Variants in IL1RAPL1 observed in about 807,000 individuals in gnomAD.
IL1RAPL1 encodes the protein interleukin-1 receptor accessory protein-like 1.
IL1RAPL1 carries 3 observed loss-of-function variants against 48.4 expected under a neutral mutation model. The ratio of observed to expected loss-of-function variants is 0.06; its 90% CI spans 0.03 to 0.16. IL1RAPL1 has a LOEUF of 0.16. IL1RAPL1 is among the 10% of genes least tolerant of loss of function. IL1RAPL1 has a pLI of 1.00. For synonymous variants in IL1RAPL1, 185 were observed against 187.7 expected (o/e 0.99, Z 0.12); for missense variants, 349 against 530.6 (o/e 0.66, Z 3.36).
intron 3 of IL1RAPL1, among the ~76,000 whole-genome samples, chrX:29,306,612 C>G (rs1264258285): frequency 1.9e-5 from 2 of 105,716 alleles, no homozygotes; most frequent in African/African-American, 6.9e-5. Flanking sequence ...CCTATAATCC[C>G]AGCATTTTGG....
intron 8 of IL1RAPL1, among the ~76,000 whole-genome samples, chrX:29,929,332 T>C (rs1001146384): frequency 3.6e-5 from 4 of 111,761 alleles, no homozygotes. Context: ...CTAGAGCCAA[T>C]CTCTTTGTGT....
chrX:29,413,887 A>G (rs1934180405), intron 5 of IL1RAPL1, among the ~76,000 whole-genome samples: 1 of 110,221 alleles, frequency 9.1e-6, no homozygotes, highest in African/African-American at 3.3e-5. Flanking sequence ...GATTATATAT[A>G]TTTATATGTA....
chrX:28,823,177 A>G (rs1936956219), intron 2 of IL1RAPL1, among the ~76,000 whole-genome samples: 1 of 111,192 alleles, frequency 9.0e-6, no homozygotes, highest in African/African-American at 3.3e-5. Context: ...TAGCTTCAAG[A>G]TGTCTTTGGC....
intron 2 of IL1RAPL1, among the ~76,000 whole-genome samples, chrX:29,016,931 A>G (rs1198674134): frequency 9.0e-6 from 1 of 111,430 alleles, no homozygotes; most frequent in Non-Finnish European, 1.9e-5. Flanking sequence ...TCCTAGAGTA[A>G]TATGTTCATT....
At chrX:28,620,498 T>TGAG (rs1934273245) in intron 1 of IL1RAPL1, among the ~76,000 whole-genome samples, 1 of 111,171 alleles carries the variant, frequency 9.0e-6, no homozygotes, top group Non-Finnish European at 1.9e-5. Flanking sequence ...TGGGCGATGG[T>TGAG]GAGGAAGAAT....
At position 29,067,238 on chromosome X, in the gene IL1RAPL1, A is replaced by G. The variant is rs187172182; in HGVS notation, c.83-215700A>G. On this transcript the variant is annotated intron_variant, in intron 2 of 10. Coordinates refer to ENST00000378993, the MANE Select transcript of IL1RAPL1 (RefSeq NM_014271.4). ...GGCCTTCTGGGATCCCTGTTGCATAAAGATTAAATTAAGTGTTAAATGCCA... is the reference window on the plus strand; with the variant it reads ...GGCCTTCTGGGATCCCTGTTGCATAGAGATTAAATTAAGTGTTAAATGCCA... 2.9e-3 allele frequency among the ~76,000 whole-genome samples: 322 copies of G among 111,566 alleles called. 2 individuals carry two copies. Among genetic ancestry groups the G allele is most frequent in the African/African-American group, 0.01 (309 of 30,701 alleles).
At chrX:29,883,533 C>A (rs780171334) in intron 6 of IL1RAPL1, among the ~76,000 whole-genome samples, 5 of 112,152 alleles carry the variant, frequency 4.5e-5, no homozygotes, top group African/African-American at 1.6e-4. Context: ...TCTGTTCTGA[C>A]GTAATTTAAG....
At chrX:28,699,259 G>A (rs920078275) in intron 1 of IL1RAPL1, among the ~76,000 whole-genome samples, 4 of 112,002 alleles carry the variant, frequency 3.6e-5, no homozygotes, top group African/African-American at 1.3e-4. Context: ...TACTTTAAAA[G>A]AGTATGCTTT....
intron 6 of IL1RAPL1, among the ~76,000 whole-genome samples, chrX:29,725,711 G>A (rs991633417): frequency 8.9e-6 from 1 of 112,045 alleles, no homozygotes; most frequent in Non-Finnish European, 1.9e-5. Flanking sequence ...CTAAAGATGT[G>A]TGTGTGTATG....
intron 6 of IL1RAPL1, among the ~76,000 whole-genome samples, chrX:29,683,915 G>A (rs954422342): frequency 2.7e-5 from 3 of 111,931 alleles, no homozygotes; most frequent in Non-Finnish European, 3.8e-5. Flanking sequence ...AAACAGTGCC[G>A]CAACAAACAT....
chrX:29,795,095 A>G (rs750611342), intron 6 of IL1RAPL1, among the ~76,000 whole-genome samples: 265 of 112,174 alleles, frequency 2.4e-3, no homozygotes, highest in African/African-American at 8.2e-3. Flanking sequence ...CTGTTGCACA[A>G]TAGCTTTCCG....
intron 2 of IL1RAPL1, among the ~76,000 whole-genome samples, chrX:29,058,392 GAAGAA>G (rs1287616592): frequency 2.7e-5 from 3 of 110,841 alleles, no homozygotes; most frequent in African/African-American, 9.9e-5. Context: ...AAAAAAAGGG[GAAGAA>G]AATACACTTA....
intron 2 of IL1RAPL1, among the ~76,000 whole-genome samples, chrX:29,146,302 C>G (rs933277373): frequency 3.6e-5 from 4 of 111,264 alleles, no homozygotes; most frequent in African/African-American, 9.8e-5. Flanking sequence ...TTCCAAATGC[C>G]TTTTTTGTTC....
intron 2 of IL1RAPL1, among the ~76,000 whole-genome samples, chrX:29,218,739 A>T (rs891713658): frequency 1.8e-5 from 2 of 112,307 alleles, no homozygotes; most frequent in Admixed American, 1.9e-4. Context: ...GAAGGCAAAG[A>T]ATATTGAAGC....
intron 2 of IL1RAPL1, among the ~76,000 whole-genome samples, chrX:29,147,694 T>A (rs1206668214): frequency 4.5e-5 from 5 of 112,240 alleles, no homozygotes; most frequent in Non-Finnish European, 7.5e-5. Context: ...GAAGTTCTTT[T>A]GGCCCTGTGG....
intron 6 of IL1RAPL1, among the ~76,000 whole-genome samples, chrX:29,836,339 C>T (rs773030468): frequency 3.9e-4 from 43 of 108,998 alleles, no homozygotes; most frequent in South Asian, 2.4e-3. Flanking sequence ...TACAGGTGTG[C>T]GCCACCACAC....
chrX:29,860,370 T>G (rs900461298), intron 6 of IL1RAPL1, among the ~76,000 whole-genome samples: 2 of 112,045 alleles, frequency 1.8e-5, no homozygotes. Flanking sequence ...TTAAATTTTT[T>G]TTTATTATAC....
intron 5 of IL1RAPL1, among the ~76,000 whole-genome samples, chrX:29,613,331 G>T (rs1032050704): frequency 2.7e-5 from 3 of 111,378 alleles, no homozygotes; most frequent in African/African-American, 9.8e-5. Flanking sequence ...CATTTCAAGT[G>T]TTCAACAGCT....
intron 2 of IL1RAPL1, among the ~76,000 whole-genome samples, chrX:29,095,737 G>C (rs548146179): frequency 1.9e-5 from 2 of 104,580 alleles, no homozygotes; most frequent in South Asian, 8.6e-4. Context: ...GAGATGTCCT[G>C]ATATAATTTG....
Sources: gnomAD v4.1 joint callset for allele counts (sites outside exome capture counted in the v4.1 genomes callset) on GRCh38, gnomAD v4.1.1 for gene constraint, MANE v1.5 for transcripts, NCBI Gene and HGNC (gene_info 2026-07-23, HGNC 2026-07-21) for gene names.